The following SIPA1L3 variants were observed in gnomAD, a reference collection of about 807,000 sequenced individuals.
SIPA1L3 encodes signal-induced proliferation-associated 1-like protein 3.
Under a neutral mutation model 150.1 loss-of-function variants are expected in SIPA1L3, and 59 were observed. The ratio of observed to expected loss-of-function variants is 0.39; its 90% CI spans 0.32 to 0.49. SIPA1L3 has a LOEUF of 0.49. Ranked by LOEUF, SIPA1L3 falls within the 20% of genes least tolerant of loss-of-function variation. The probability of loss-of-function intolerance (pLI) is 0.86; values close to 1 mark genes in which losing one functional copy is unlikely to be tolerated. For missense variants in SIPA1L3, 2,211 were observed against 2,489.5 expected, an observed-to-expected ratio of 0.89 and a Z score of 2.38; for synonymous variants, 1,070 against 1,077.6, an observed-to-expected ratio of 0.99 and a Z score of 0.14.
rs1969096663 is a variant in SIPA1L3 at position 38,047,859 on chromosome 19, T to C, written c.-311+18703T>C. 6.6e-6 allele frequency among the ~76,000 whole-genome samples: 1 copy of C among 152,204 alleles called. No homozygotes were observed. On this transcript the variant is annotated intron_variant, in intron 2 of 21. Coordinates refer to ENST00000222345, the MANE Select transcript of SIPA1L3 (RefSeq NM_015073.3). The surrounding 1 kb of genome is among the most constrained non-coding windows in gnomAD (Gnocchi z 4.7). ...AGTGCCAGGCTGGGCTTTCTGGTCC[T>C]GTCTCTCATCCTCAGCTCCAGTCAG...
At chr19:38,059,311 A>ATTTTTT (rs35717284) in intron 2 of SIPA1L3, among the ~76,000 whole-genome samples, 2 of 113,930 alleles carry the variant, frequency 1.8e-5, no homozygotes, top group Non-Finnish European at 3.5e-5. Flanking sequence ...AACAGCTGAG[A>ATTTTTT]TTTTTTTTTT....
At chr19:38,196,014 A>G (rs1029286264) in intron 18 of SIPA1L3, among the ~76,000 whole-genome samples, 82 of 151,870 alleles carry the variant, frequency 5.4e-4, no homozygotes, top group African/African-American at 2.0e-3. Flanking sequence ...TTCTCTGTCC[A>G]TCTGACTCCC....
Position 38,207,427 on chromosome 19 carries a change from T to G in SIPA1L3, c.*1187T>G, listed in dbSNP as rs916278561. On this transcript the variant is annotated 3_prime_UTR_variant, in exon 22 of 22. Coordinates refer to ENST00000222345, the MANE Select transcript of SIPA1L3 (RefSeq NM_015073.3). ...TTCTTTAAAAGCAAACAGAAAAAGA[T>G]ATATATATATATATATATATATTTA... 3 of 136,978 alleles carry G rather than the reference T, an allele frequency of 2.2e-5. No homozygotes were observed. The highest frequency in any genetic ancestry group is 2.2e-4 in the South Asian group (1 of 4,580). The allele number at this position is 136,978 out of a possible 1,614,324, so 8.5% of individuals were successfully genotyped here. A position where few individuals can be genotyped will look rare whatever the true frequency, so the allele number is the denominator to read the frequency against.
chr19:38,077,661 C>CTTTTTT (rs58788182), intron 2 of SIPA1L3, among the ~76,000 whole-genome samples: 1,236 of 64,356 alleles, frequency 0.019, 65 homozygotes, highest in Non-Finnish European at 0.026. Context: ...TTTTCTTTTT[C>CTTTTTT]TTTTTTTTTT....
intron 1 of SIPA1L3, among the ~76,000 whole-genome samples, chr19:37,925,381 G>T (rs924599000): frequency 1.3e-5 from 2 of 152,116 alleles, no homozygotes; most frequent in African/African-American, 2.4e-5. Flanking sequence ...ACCTGAAGGA[G>T]GTGAGGGAGT....
rs1013957447 is a variant in SIPA1L3 at position 38,207,388 on chromosome 19, G to A, written c.*1148G>A. On this transcript the variant is annotated 3_prime_UTR_variant, in exon 22 of 22. Transcript: ENST00000222345. ...TACCACGCTGTTCCTCCAGGAAACCGTTTCTTTTTTTCCTTCTTTAAAAGC... is the reference window on the plus strand; with the variant it reads ...TACCACGCTGTTCCTCCAGGAAACCATTTCTTTTTTTCCTTCTTTAAAAGC... 1.3e-5 allele frequency: 2 copies of A among 149,604 alleles called. No individual in the cohort carries two copies. The highest frequency in any genetic ancestry group is 2.5e-5 in the African/African-American group (1 of 40,620). 9.3% of individuals were successfully genotyped at this position (149,604 alleles called of 1,614,324 possible). A position where few individuals can be genotyped will look rare whatever the true frequency, so the allele number is the denominator to read the frequency against.
rs191668680 is a variant in SIPA1L3, at chr19:38,116,977, C to T, written c.2292-2329C>T. Reference sequence around the variant, plus strand: ...ATAATCTGCCAAAAGGCCACTGAGCCTCTATTTAATTTGGTCATCAGAGCA... The same window carrying T: ...ATAATCTGCCAAAAGGCCACTGAGCTTCTATTTAATTTGGTCATCAGAGCA... On this transcript the variant is annotated intron_variant, in intron 8 of 21. Transcript: ENST00000222345. Among the ~76,000 whole-genome samples the T allele has an allele frequency of 3.3e-4, 51 of 152,346 alleles. 1 individual carries two copies. In the South Asian group the frequency reaches 6.6e-3, roughly 20 times the overall value.
In SIPA1L3 at chr19:38,158,658, A is replaced by G. The variant is rs112595332; in HGVS notation, c.3662-3595A>G. On this transcript the variant is annotated intron_variant, in intron 13 of 21. Coordinates refer to ENST00000222345, the MANE Select transcript of SIPA1L3 (RefSeq NM_015073.3). ...GGTAGGCGGAGATGCACGATTCTGGATATAGTATTTTAAAGGCAGCGTTAA... is the reference window on the plus strand; with the variant it reads ...GGTAGGCGGAGATGCACGATTCTGGGTATAGTATTTTAAAGGCAGCGTTAA... Among the ~76,000 whole-genome samples, 368 of 152,296 alleles carry G rather than the reference A, an allele frequency of 2.4e-3. 4 individuals carry two copies. Among genetic ancestry groups the G allele is most frequent in the African/African-American group, 8.5e-3 (354 of 41,564 alleles).
At chr19:38,066,108 G>A (rs1459850989) in intron 2 of SIPA1L3, among the ~76,000 whole-genome samples, 3 of 150,740 alleles carry the variant, frequency 2.0e-5, no homozygotes, top group African/African-American at 7.3e-5. Context: ...GAACTCCTGG[G>A]CTCAGGTGAT....
chr19:38,199,823 G>A (rs914899719), intron 19 of SIPA1L3: 1 of 150,576 alleles, frequency 6.6e-6, no homozygotes, highest in Non-Finnish European at 1.5e-5. Context: ...AACTTTGGTA[G>A]ATGTGTTCAT....
intron 13 of SIPA1L3, among the ~76,000 whole-genome samples, chr19:38,160,940 A>T (rs972725990): frequency 1.3e-5 from 2 of 152,250 alleles, no homozygotes; most frequent in African/African-American, 4.8e-5. Flanking sequence ...ACATTCAATT[A>T]TGTGAAGACC....
chr19:38,063,825 A>T (rs572352319), intron 2 of SIPA1L3, among the ~76,000 whole-genome samples: 47 of 152,300 alleles, frequency 3.1e-4, no homozygotes, highest in African/African-American at 1.1e-3. Context: ...ACTGAGAAAA[A>T]AATAATAATA....
chr19:38,038,710 A>G (rs1371121341), intron 2 of SIPA1L3, among the ~76,000 whole-genome samples: 1 of 152,132 alleles, frequency 6.6e-6, no homozygotes, highest in Non-Finnish European at 1.5e-5. Flanking sequence ...CATCTTCTAC[A>G]GTGTAATTTG....
chr19:37,957,588 C>T (rs1419610794), intron 1 of SIPA1L3, among the ~76,000 whole-genome samples: 1 of 150,114 alleles, frequency 6.7e-6, no homozygotes, highest in Non-Finnish European at 1.5e-5. Context: ...GACAGGATCT[C>T]ACTGTTACCC....
rs143577925 is a variant in SIPA1L3, at chr19:38,152,654, G to A, written c.3534-186G>A. 5.5e-4 allele frequency among the ~76,000 whole-genome samples: 84 copies of A among 152,246 alleles called. 1 individual carries two copies. The South Asian group carries it at 8.1e-3, about 15-fold the overall frequency. ...GCTTCCCAGGCGAGACTCTCATCCC[G>A]GACCCGCAGCTAATAGCACGTTTCC... On this transcript the variant is annotated intron_variant, in intron 12 of 21. Transcript: ENST00000222345.
At chr19:38,084,320 A>AT (rs1375577607) in intron 3 of SIPA1L3, among the ~76,000 whole-genome samples, 1 of 152,162 alleles carries the variant, frequency 6.6e-6, no homozygotes, top group Non-Finnish European at 1.5e-5. Flanking sequence ...AACGCTAAGC[A>AT]TGTGGGAGTT....
At chr19:37,933,608 C>T (rs2046574796) in intron 1 of SIPA1L3, among the ~76,000 whole-genome samples, 1 of 152,152 alleles carries the variant, frequency 6.6e-6, no homozygotes, top group Non-Finnish European at 1.5e-5. Flanking sequence ...GGATGGGTGG[C>T]CAGCCCCGTT....
chr19:38,120,165 G>T (rs1970983930), intron 9 of SIPA1L3, among the ~76,000 whole-genome samples: 1 of 152,080 alleles, frequency 6.6e-6, no homozygotes, highest in Non-Finnish European at 1.5e-5. Flanking sequence ...TTAAGCTTAG[G>T]TTAAAAATGT....
intron 15 of SIPA1L3, among the ~76,000 whole-genome samples, chr19:38,175,551 A>C (rs1490454210): frequency 1.3e-5 from 2 of 152,070 alleles, no homozygotes; most frequent in Non-Finnish European, 2.9e-5. Context: ...GAAGGTGAGG[A>C]TGGAAGCACA....
Sources: gnomAD v4.1 joint callset for allele counts (sites outside exome capture counted in the v4.1 genomes callset) on GRCh38, gnomAD v4.1.1 for gene constraint, Gnocchi (gnomAD v3.1) non-coding constraint, MANE v1.5 for transcripts, NCBI Gene and HGNC (gene_info 2026-07-23, HGNC 2026-07-21) for gene names.